The following ZFAT variants were observed in gnomAD, a reference collection of about 807,000 sequenced individuals.
The protein encoded by ZFAT is zinc finger and AT-hook domain containing.
A neutral mutation model predicts 117.7 loss-of-function variants in ZFAT; 64 were observed. That is an observed-to-expected ratio of 0.54 (90% confidence interval 0.44 to 0.67). ZFAT has a LOEUF of 0.67. ZFAT is among the 30% of genes least tolerant of loss of function. ZFAT has a pLI of 0.00. For synonymous variants in ZFAT, 679 were observed against 615.0 expected, an observed-to-expected ratio of 1.10 and a Z score of -1.54; for missense variants, 1,433 against 1,584.5, an observed-to-expected ratio of 0.90 and a Z score of 1.62.
intron 1 of ZFAT, among the ~76,000 whole-genome samples, chr8:134,670,943 T>C (rs1832531713): frequency 6.6e-6 from 1 of 152,022 alleles, no homozygotes; most frequent in Non-Finnish European, 1.5e-5. Flanking sequence ...CCCACAGAAA[T>C]ACAAACTACC....
chr8:134,567,242 A>G (rs1824534468), intron 10 of ZFAT, among the ~76,000 whole-genome samples: 1 of 152,164 alleles, frequency 6.6e-6, no homozygotes, highest in African/African-American at 2.4e-5. Flanking sequence ...CCTACATCAG[A>G]TACCCAGTAG....
At chr8:134,671,912 G>A (rs1034630140) in intron 1 of ZFAT, among the ~76,000 whole-genome samples, 1 of 152,156 alleles carries the variant, frequency 6.6e-6, no homozygotes, top group African/African-American at 2.4e-5. Context: ...AAAGTCTCAG[G>A]ATACAAAATC....
intron 1 of ZFAT, among the ~76,000 whole-genome samples, chr8:134,691,575 C>A (rs1303133875): frequency 1.3e-5 from 2 of 152,366 alleles, no homozygotes; most frequent in South Asian, 2.1e-4. Flanking sequence ...GGTTTTCAGA[C>A]TTTATTAATT....
At chr8:134,557,730 C>T (rs182180036) in intron 11 of ZFAT, among the ~76,000 whole-genome samples, 2 of 152,052 alleles carry the variant, frequency 1.3e-5, no homozygotes, top group South Asian at 2.1e-4. Context: ...AAAACAGACA[C>T]CAAGATCATA....
the ZFAT span, among the ~76,000 whole-genome samples, chr8:134,740,353 T>G: frequency 0.89 from 134,969 of 152,206 alleles, 60,118 homozygotes; most frequent in African/African-American, 0.92. Context: ...CAATGGAAGG[T>G]GAAAGTGAAC....
chr8:134,531,955 C>A (rs148932854), intron 12 of ZFAT, among the ~76,000 whole-genome samples: 5 of 152,226 alleles, frequency 3.3e-5, no homozygotes, highest in Admixed American at 2.0e-4. Flanking sequence ...GGGCAGATTT[C>A]TAAATCTGTC....
At chr8:134,659,386 G>A (rs980100800) in intron 1 of ZFAT, among the ~76,000 whole-genome samples, 1 of 152,262 alleles carries the variant, frequency 6.6e-6, no homozygotes, top group East Asian at 1.9e-4. Context: ...CCCAGAGCAG[G>A]GCTATCATAT....
intron 1 of ZFAT, among the ~76,000 whole-genome samples, chr8:134,682,388 G>A (rs955681920): frequency 3.9e-5 from 6 of 152,248 alleles, no homozygotes; most frequent in Non-Finnish European, 8.8e-5. Flanking sequence ...GGGCACGGTG[G>A]CTCATGCCTA....
At chr8:134,734,401 G>T in the ZFAT span, among the ~76,000 whole-genome samples, 1 of 152,228 alleles carries the variant, frequency 6.6e-6, no homozygotes, top group Non-Finnish European at 1.5e-5. Context: ...CAGAGTGTCT[G>T]CATCCTGCAT....
intron 1 of ZFAT, among the ~76,000 whole-genome samples, chr8:134,688,582 C>T (rs370783584): frequency 1.3e-5 from 2 of 152,180 alleles, no homozygotes; most frequent in African/African-American, 4.8e-5. Context: ...GGAGCCAGGA[C>T]TTGGGTTTCC....
chr8:134,520,759 A>C (rs1820598342), intron 13 of ZFAT, 124 bp downstream of exon 13: 1 of 744,930 alleles, frequency 1.3e-6, no homozygotes, highest in African/African-American at 1.8e-5. Flanking sequence ...AACGTTTCAG[A>C]AGTTCCCCAA....
intron 1 of ZFAT, among the ~76,000 whole-genome samples, chr8:134,680,839 T>C (rs751690666): frequency 3.9e-5 from 6 of 152,248 alleles, no homozygotes; most frequent in Middle Eastern, 3.2e-3. Flanking sequence ...TTGTGTTGTG[T>C]ATATTTTATA....
intron 2 of ZFAT, among the ~76,000 whole-genome samples, chr8:134,640,497 G>C (rs1830520125): frequency 6.6e-6 from 1 of 152,140 alleles, no homozygotes; most frequent in Non-Finnish European, 1.5e-5. Flanking sequence ...CAGACATCGT[G>C]AGTCTCCACT....
the ZFAT span, among the ~76,000 whole-genome samples, chr8:134,739,620 A>G: frequency 6.6e-6 from 1 of 152,232 alleles, no homozygotes; most frequent in South Asian, 2.1e-4. Flanking sequence ...GCAGAGATAC[A>G]GGATATAGCC....
At chr8:134,769,151 C>A in the ZFAT span, among the ~76,000 whole-genome samples, 2 of 152,056 alleles carry the variant, frequency 1.3e-5, no homozygotes, top group Non-Finnish European at 2.9e-5. Context: ...CCAGCCTGGG[C>A]AACAGAGCAA....
intron 1 of ZFAT, among the ~76,000 whole-genome samples, chr8:134,666,624 C>T (rs1018855595): frequency 1.3e-5 from 2 of 151,964 alleles, no homozygotes; most frequent in African/African-American, 2.4e-5. Flanking sequence ...TAAGAGAAAA[C>T]CCAAATAAAA....
chr8:134,481,534 C>T lies in ZFAT; in HGVS notation c.3493-2813G>A, dbSNP rs1817306507. Among the ~76,000 whole-genome samples the T allele has an allele frequency of 2.6e-5, 4 of 152,338 alleles. 1 individual carries two copies. Among genetic ancestry groups the T allele is most frequent in the Admixed American group, 2.6e-4 (4 of 15,296 alleles). On this transcript the variant is annotated intron_variant, in intron 15 of 15. Transcript: ENST00000377838. The stretch of plus-strand genomic sequence containing the variant: ...TTTCCACTGGCTAAAAACTCCCACC[C>T]TTTAAAAACACTAACACCACAATGC...
chr8:134,494,587 C>T (rs11776162), intron 15 of ZFAT, among the ~76,000 whole-genome samples: 97,439 of 151,926 alleles, frequency 0.64, 31,629 homozygotes, highest in East Asian at 0.92. Flanking sequence ...CGGAACCCCA[C>T]CAGGGCCTTG....
At chr8:134,629,550 T>C (rs193276803) in intron 3 of ZFAT, among the ~76,000 whole-genome samples, 2 of 152,232 alleles carry the variant, frequency 1.3e-5, no homozygotes, top group East Asian at 1.9e-4. Flanking sequence ...TGGAAGGTGA[T>C]TGGATCATGG....
Sources: gnomAD v4.1 joint callset for allele counts (sites outside exome capture counted in the v4.1 genomes callset) on GRCh38, gnomAD v4.1.1 for gene constraint, MANE v1.5 for transcripts, NCBI Gene and HGNC (gene_info 2026-07-23, HGNC 2026-07-21) for gene names.